The following C3orf70 variants were observed in gnomAD, a reference collection of about 807,000 sequenced individuals.
C3orf70 encodes chromosome 3 open reading frame 70, also known as UPF0524 protein C3orf70.
Under a neutral mutation model 20.7 loss-of-function variants are expected in C3orf70, and 15 were observed. The ratio of observed to expected loss-of-function variants is 0.72; its 90% CI spans 0.48 to 1.11. The LOEUF is 1.11. Among genes scored for constraint, C3orf70 ranks in the 50% most tolerant of loss-of-function variants. The pLI is 0.00. For synonymous variants in C3orf70, 161 were observed against 125.7 expected (o/e 1.28, Z -1.88); for missense variants, 332 against 317.6 (o/e 1.05, Z -0.34).
At chr3:185,091,879 T>A (rs867775644) in intron 1 of C3orf70, among the ~76,000 whole-genome samples, 5 of 126,554 alleles carry the variant, frequency 4.0e-5, no homozygotes, top group East Asian at 2.2e-4. Context: ...TATATATATA[T>A]AATATATATA....
intron 1 of C3orf70, among the ~76,000 whole-genome samples, chr3:185,136,358 C>T (rs1716620785): frequency 6.6e-6 from 1 of 152,032 alleles, no homozygotes; most frequent in Admixed American, 6.5e-5. Flanking sequence ...GAGGCCAAGG[C>T]AGGTGGATCA....
At chr3:185,098,124 T>C (rs16859603) in intron 1 of C3orf70, among the ~76,000 whole-genome samples, 3,399 of 152,174 alleles carry the variant, frequency 0.022, 105 homozygotes, top group African/African-American at 0.077. Flanking sequence ...AGGCTGTGGC[T>C]AAAAAACACT....
intron 1 of C3orf70, among the ~76,000 whole-genome samples, chr3:185,095,018 A>T (rs751104594): frequency 1.3e-5 from 2 of 152,136 alleles, no homozygotes; most frequent in Non-Finnish European, 2.9e-5. Context: ...TAAATAGGGG[A>T]GTGGCTGACT....
chr3:185,092,774 C>T (rs1351846892), intron 1 of C3orf70, among the ~76,000 whole-genome samples: 3 of 152,044 alleles, frequency 2.0e-5, no homozygotes, highest in African/African-American at 7.2e-5. Flanking sequence ...GGGCGGATCA[C>T]GAGGTCAGGA....
rs1354344563 is a variant in C3orf70 at position 185,080,877 on chromosome 3, A to G, written c.*2130T>C. ...CTCGGTTTGTCTTGTTGAATCTTTA[A>G]ATTTCAGTAAGTGGAGACTTTATGC... On this transcript the variant is annotated 3_prime_UTR_variant, in exon 2 of 2. Transcript: ENST00000335012. The G allele has an allele frequency of 6.6e-6, 1 of 152,184 alleles. No homozygotes were observed. Among genetic ancestry groups the G allele is most frequent in the Non-Finnish European group, 1.5e-5 (1 of 68,044 alleles). 9.4% of individuals were successfully genotyped at this position (152,184 alleles called of 1,614,324 possible).
intron 1 of C3orf70, among the ~76,000 whole-genome samples, chr3:185,136,754 C>A (rs936720420): frequency 4.1e-5 from 6 of 146,562 alleles, no homozygotes; most frequent in South Asian, 2.2e-4. Flanking sequence ...ACAAAAAAAC[C>A]CACAAAAATT....
chr3:185,080,686 T>G lies in C3orf70; in HGVS notation c.*2321A>C, dbSNP rs1238587480. The G allele has an allele frequency of 6.6e-6, 1 of 152,148 alleles. No individual in the cohort carries two copies. The highest frequency in any genetic ancestry group is 1.5e-5 in the Non-Finnish European group (1 of 68,040). 9.4% of individuals were successfully genotyped at this position (152,148 alleles called of 1,614,324 possible). A position where few individuals can be genotyped will look rare whatever the true frequency, so the allele number is the denominator to read the frequency against. ...CAGGCATTTGGCTTCCACACCTGCCTTCAGTGAGCCACTCATGCACGGGAG... is the reference window on the plus strand; with the variant it reads ...CAGGCATTTGGCTTCCACACCTGCCGTCAGTGAGCCACTCATGCACGGGAG... On this transcript the variant is annotated 3_prime_UTR_variant, in exon 2 of 2. Transcript: ENST00000335012.
chr3:185,088,523 TATG>T (rs1015591921), intron 1 of C3orf70, among the ~76,000 whole-genome samples: 6 of 149,520 alleles, frequency 4.0e-5, no homozygotes, highest in African/African-American at 7.5e-5. Flanking sequence ...TATATAAATC[TATG>T]ATTTTTTTTC....
At chr3:185,101,292 C>T (rs995288472) in intron 1 of C3orf70, among the ~76,000 whole-genome samples, 2 of 152,112 alleles carry the variant, frequency 1.3e-5, no homozygotes, top group Admixed American at 6.5e-5. Flanking sequence ...ACAAAATACT[C>T]GCAAACCAAA....
intron 1 of C3orf70, among the ~76,000 whole-genome samples, chr3:185,098,959 C>T (rs140697235): frequency 6.4e-4 from 97 of 152,322 alleles, no homozygotes; most frequent in African/African-American, 1.8e-3. Context: ...TTTGGACTTA[C>T]CAGTCTCTAT....
Position 185,111,620 on chromosome 3 carries a change from G to A in C3orf70, c.197-28057C>T, listed in dbSNP as rs115128403. On this transcript the variant is annotated intron_variant, in intron 1 of 1. Coordinates refer to ENST00000335012, the MANE Select transcript of C3orf70 (RefSeq NM_001025266.3). The stretch of plus-strand genomic sequence containing the variant: ...GAACTGGAACTCTGATAGTGGGGAT[G>A]TAAAATGGTATACAGCTGCTTGGGA... Among the ~76,000 whole-genome samples, 1,440 of 152,326 alleles carry A rather than the reference G, an allele frequency of 9.5e-3. 23 individuals are homozygous for A. The highest frequency in any genetic ancestry group is 0.032 in the African/African-American group (1,344 of 41,560).
At chr3:185,094,840 T>G (rs1715668620) in intron 1 of C3orf70, among the ~76,000 whole-genome samples, 1 of 152,076 alleles carries the variant, frequency 6.6e-6, no homozygotes. Context: ...GAGGGAGCCT[T>G]CTCACAAGGA....
rs560715440 is a variant in C3orf70 at position 185,140,953 on chromosome 3, G to A, written c.196+11675C>T. Among the ~76,000 whole-genome samples the A allele has an allele frequency of 4.2e-5, 6 of 142,536 alleles. No homozygotes were observed. The South Asian group carries it at 1.4e-3, about 33-fold the overall frequency. The allele number at this position is 142,536 out of a possible 152,430, so 93.5% of individuals were successfully genotyped here. ...ACTGCACTCCAGCCTGGGCAACAGA[G>A]TGAGACCCTTGTCACCAAAAAAAAA... On this transcript the variant is annotated intron_variant, in intron 1 of 1. Coordinates refer to ENST00000335012, the MANE Select transcript of C3orf70 (RefSeq NM_001025266.3).
chr3:185,085,186 C>G (rs755765033), intron 1 of C3orf70, among the ~76,000 whole-genome samples: 8 of 152,194 alleles, frequency 5.3e-5, no homozygotes, highest in Admixed American at 3.3e-4. Flanking sequence ...GTGTATGGTA[C>G]TTGCTCCTGT....
intron 1 of C3orf70, among the ~76,000 whole-genome samples, chr3:185,085,743 G>A (rs1372499946): frequency 6.6e-6 from 1 of 151,380 alleles, no homozygotes; most frequent in East Asian, 1.9e-4. Context: ...CTGCCCCTAA[G>A]CACTGTGGAC....
chr3:185,139,501 C>T lies in C3orf70; in HGVS notation c.196+13127G>A, dbSNP rs930953026. On this transcript the variant is annotated intron_variant, in intron 1 of 1. Transcript: ENST00000335012. The stretch of plus-strand genomic sequence containing the variant: ...CCAGGAGGCAGAGGTTGCAGTCAGC[C>T]GAGATCATACCACTGCACTCCAGCC... Among the ~76,000 whole-genome samples the T allele has an allele frequency of 8.1e-5, 12 of 148,244 alleles. No homozygotes were observed. In the East Asian group the frequency reaches 1.6e-3, roughly 20 times the overall value.
intron 1 of C3orf70, among the ~76,000 whole-genome samples, chr3:185,104,797 AAC>A (rs1290236581): frequency 6.6e-6 from 1 of 152,206 alleles, no homozygotes; most frequent in African/African-American, 2.4e-5. Context: ...AGAGGGGAAC[AAC>A]ACACACTGCA....
chr3:185,091,329 A>AG (rs1715565895), intron 1 of C3orf70, among the ~76,000 whole-genome samples: 1 of 152,092 alleles, frequency 6.6e-6, no homozygotes, highest in Non-Finnish European at 1.5e-5. Context: ...AAAAGGGCAA[A>AG]GGAGGATAAA....
chr3:185,128,303 G>A (rs1271185367), intron 1 of C3orf70, among the ~76,000 whole-genome samples: 1 of 152,098 alleles, frequency 6.6e-6, no homozygotes, highest in Non-Finnish European at 1.5e-5. Flanking sequence ...CGAGGCGGGT[G>A]GATCACCTGA....
Sources: allele counts gnomAD v4.1 joint callset (sites outside exome capture counted in the v4.1 genomes callset), GRCh38; gene constraint gnomAD v4.1.1; transcripts MANE v1.5; gene names NCBI Gene and HGNC (gene_info 2026-07-23, HGNC 2026-07-21).